STX8: variants seen among roughly 807,000 people sequenced by gnomAD.
STX8 encodes syntaxin-8.
A neutral mutation model predicts 37.5 loss-of-function variants in STX8; 23 were observed. The observed-to-expected ratio is 0.61, with a 90% CI of 0.44 to 0.87. The LOEUF (loss-of-function observed/expected upper bound fraction) is 0.87. Ranked by LOEUF, STX8 falls within the 40% of genes least tolerant of loss-of-function variation. The pLI is 0.00. For synonymous variants in STX8, 115 were observed against 99.1 expected, an observed-to-expected ratio of 1.16 and a Z score of -0.95; for missense variants, 313 against 284.7, an observed-to-expected ratio of 1.10 and a Z score of -0.71.
At chr17:9,334,063 G>A (rs1910058766) in intron 7 of STX8, among the ~76,000 whole-genome samples, 1 of 151,148 alleles carries the variant, frequency 6.6e-6, no homozygotes, top group African/African-American at 2.4e-5. Context: ...GTGAGCTGGG[G>A]AGTGCTGATT....
intron 7 of STX8, among the ~76,000 whole-genome samples, chr17:9,302,487 T>C (rs1452659806): frequency 1.3e-5 from 2 of 152,214 alleles, no homozygotes; most frequent in African/African-American, 4.8e-5. Flanking sequence ...TCTTATTTTT[T>C]TCTATTTGTA....
intron 7 of STX8, among the ~76,000 whole-genome samples, chr17:9,376,678 G>A (rs983754366): frequency 1.4e-4 from 22 of 152,162 alleles, no homozygotes; most frequent in African/African-American, 4.1e-4. Flanking sequence ...CGGCTGCAAC[G>A]GTCTGCAGCT....
Position 9,374,463 on chromosome 17 carries a change from T to G in STX8, c.643+4089A>C, listed in dbSNP as rs144022713. Among the ~76,000 whole-genome samples, 508 of 152,284 alleles carry G rather than the reference T, an allele frequency of 3.3e-3. 3 individuals are homozygous for G. Among genetic ancestry groups the G allele is most frequent in the Non-Finnish European group, 5.5e-3 (376 of 68,038 alleles). ...TCAGTAAGTTCCACAATATGCTTTG[T>G]GTTCACAGGCATAATATTGATCAGT... On this transcript the variant is annotated intron_variant, in intron 7 of 7. Coordinates refer to ENST00000306357, the MANE Select transcript of STX8 (RefSeq NM_004853.3).
chr17:9,281,646 T>A (rs951702919), intron 7 of STX8, among the ~76,000 whole-genome samples: 2 of 152,144 alleles, frequency 1.3e-5, no homozygotes, highest in African/African-American at 4.8e-5. Flanking sequence ...TATAAAAATA[T>A]TAAAAGGCTG....
chr17:9,523,358 T>C (rs1429311375), intron 4 of STX8, among the ~76,000 whole-genome samples: 1 of 145,798 alleles, frequency 6.9e-6, no homozygotes, highest in African/African-American at 2.5e-5. Context: ...TATGTACACT[T>C]ATATGTCAAT....
At chr17:9,254,414 T>G (rs542162264) in intron 7 of STX8, among the ~76,000 whole-genome samples, 1 of 152,258 alleles carries the variant, frequency 6.6e-6, no homozygotes, top group African/African-American at 2.4e-5. Context: ...AATCTTTTTT[T>G]TTTTTGAGAT....
intron 6 of STX8, among the ~76,000 whole-genome samples, chr17:9,456,141 A>G (rs1443575040): frequency 6.6e-6 from 1 of 152,098 alleles, no homozygotes; most frequent in Non-Finnish European, 1.5e-5. Flanking sequence ...CTAGATGGGT[A>G]GGGGCTGGGT....
intron 4 of STX8, among the ~76,000 whole-genome samples, chr17:9,506,405 GCTCCCCC>G (rs1904828046): frequency 3.4e-4 from 3 of 8,932 alleles, no homozygotes; most frequent in African/African-American, 1.2e-3. Context: ...GTGCTCACCC[GCTCCCCC>G]CCCCCCCCAC....
At position 9,279,480 on chromosome 17, in the gene STX8, C is replaced by T. The variant is rs184233881; in HGVS notation, c.644-28835G>A. On this transcript the variant is annotated intron_variant, in intron 7 of 7. Transcript: ENST00000306357. Reference sequence around the variant, plus strand: ...TTCAGTGTTGGGCCTGGGATTTGAACCCAGCTTTGACTAAGTTTATCATCA... The same window carrying T: ...TTCAGTGTTGGGCCTGGGATTTGAATCCAGCTTTGACTAAGTTTATCATCA... 8.1e-4 allele frequency among the ~76,000 whole-genome samples: 123 copies of T among 152,264 alleles called. 1 individual carries two copies. The highest frequency in any genetic ancestry group is 3.4e-3 in the Middle Eastern group (1 of 294).
chr17:9,563,152 C>CATTCATTT (rs1555537848), intron 2 of STX8, among the ~76,000 whole-genome samples: 17 of 142,012 alleles, frequency 1.2e-4, no homozygotes, highest in African/African-American at 2.3e-4. Context: ...TTCATTCATC[C>CATTCATTT]ATTTATTTAT....
intron 6 of STX8, among the ~76,000 whole-genome samples, chr17:9,389,997 C>T (rs1278689094): frequency 6.6e-6 from 1 of 152,174 alleles, no homozygotes; most frequent in Non-Finnish European, 1.5e-5. Flanking sequence ...TTGCCTATGG[C>T]ATCCTATGGC....
intron 6 of STX8, among the ~76,000 whole-genome samples, chr17:9,427,113 T>C (rs1255980043): frequency 2.6e-5 from 4 of 152,170 alleles, no homozygotes; most frequent in Non-Finnish European, 5.9e-5. Context: ...TATTCCCCAA[T>C]TTGCAAAGAG....
chr17:9,558,744 A>G (rs1907087803), intron 2 of STX8, among the ~76,000 whole-genome samples: 1 of 151,828 alleles, frequency 6.6e-6, no homozygotes, highest in South Asian at 2.1e-4. Flanking sequence ...AACGGCGTGA[A>G]CCCTGGAGGC....
intron 6 of STX8, among the ~76,000 whole-genome samples, chr17:9,426,669 G>A (rs1913643275): frequency 6.6e-6 from 1 of 152,142 alleles, no homozygotes; most frequent in African/African-American, 2.4e-5. Context: ...GCTGAGGTGG[G>A]AGGATCGCTT....
intron 7 of STX8, among the ~76,000 whole-genome samples, chr17:9,264,069 A>G (rs1907141277): frequency 6.6e-6 from 1 of 152,216 alleles, no homozygotes; most frequent in Non-Finnish European, 1.5e-5. Flanking sequence ...TGCTGCAAGG[A>G]AGCCCAATTA....
In STX8 at chr17:9,520,177, T is replaced by C. The variant is rs568723600; in HGVS notation, c.324-15015A>G. On this transcript the variant is annotated intron_variant, in intron 4 of 7. Transcript: ENST00000306357. ...AAACCATTGAGGTTTTTAAGCTCTC[T>C]TTCTTAAAAACAAAATGAGAGAAGC... 7.9e-5 allele frequency among the ~76,000 whole-genome samples: 12 copies of C among 152,346 alleles called. 1 individual carries two copies. The South Asian group carries it at 2.5e-3, about 32-fold the overall frequency.
chr17:9,305,831 G>C (rs147562694), intron 7 of STX8, among the ~76,000 whole-genome samples: 1 of 135,448 alleles, frequency 7.4e-6, no homozygotes. Context: ...TGCAATCTCC[G>C]CCTCCCAGGT....
intron 7 of STX8, among the ~76,000 whole-genome samples, chr17:9,270,690 G>C (rs993957040): frequency 6.6e-6 from 1 of 152,174 alleles, no homozygotes; most frequent in Admixed American, 6.5e-5. Context: ...ACGAATGAAA[G>C]CATACAAATT....
intron 7 of STX8, among the ~76,000 whole-genome samples, chr17:9,349,173 G>A (rs902234522): frequency 6.6e-5 from 10 of 151,768 alleles, no homozygotes; most frequent in African/African-American, 2.4e-4. Flanking sequence ...TATATTTTTA[G>A]TAGGGACAGC....
Sources: gnomAD v4.1 joint callset for allele counts (sites outside exome capture counted in the v4.1 genomes callset) on GRCh38, gnomAD v4.1.1 for gene constraint, MANE v1.5 for transcripts, NCBI Gene and HGNC (gene_info 2026-07-23, HGNC 2026-07-21) for gene names.